Variants in TMEM131 observed in about 807,000 individuals in gnomAD.
TMEM131 encodes the protein transmembrane protein 131, also known as 2610524E03Rik.
TMEM131 carries 66 observed loss-of-function variants against 211.6 expected under a neutral mutation model. That is an observed-to-expected ratio of 0.31 (90% CI 0.26 to 0.38). TMEM131 has a LOEUF of 0.38. TMEM131 is among the 10% of genes least tolerant of loss of function. TMEM131 has a pLI of 1.00. For synonymous variants in TMEM131, 844 were observed against 841.3 expected (o/e 1.00, Z -0.06); for missense variants, 2,036 against 2,299.3 (o/e 0.89, Z 2.34).
intron 7 of TMEM131, among the ~76,000 whole-genome samples, chr2:97,841,080 C>G (rs777529068): frequency 6.6e-6 from 1 of 152,148 alleles, no homozygotes; most frequent in Non-Finnish European, 1.5e-5. Flanking sequence ...AGTGTTGGTC[C>G]GAAAGAACTC....
At chr2:97,927,514 A>C (rs771594162) in intron 1 of TMEM131, 27 bp from the exon 2 acceptor site, 1 of 1,511,824 alleles carries the variant, frequency 6.6e-7, no homozygotes, top group Non-Finnish European at 8.8e-7. Context: ...ACATACCATC[A>C]CTTACAGGAA....
intron 1 of TMEM131, among the ~76,000 whole-genome samples, chr2:97,977,100 T>G (rs1043777046): frequency 6.6e-6 from 1 of 152,162 alleles, no homozygotes; most frequent in Admixed American, 6.5e-5. Context: ...CTTTGTGACC[T>G]TGCATTAGGC....
At chr2:97,845,339 T>C (rs10208070) in intron 5 of TMEM131, among the ~76,000 whole-genome samples, 56,839 of 151,796 alleles carry the variant, frequency 0.37, 11,816 homozygotes, top group African/African-American at 0.52. Context: ...TTGCTAGAGG[T>C]TGACTGTGTG....
At chr2:97,970,580 C>T (rs961666638) in intron 1 of TMEM131, among the ~76,000 whole-genome samples, 5 of 152,166 alleles carry the variant, frequency 3.3e-5, no homozygotes, top group Non-Finnish European at 7.3e-5. Flanking sequence ...GAAGAAAAGC[C>T]ATCCATTTGC....
intron 1 of TMEM131, among the ~76,000 whole-genome samples, chr2:97,962,513 C>CT (rs2104572138): frequency 6.6e-6 from 1 of 152,074 alleles, no homozygotes; most frequent in South Asian, 2.1e-4. Context: ...CAAAAAAAAA[C>CT]TATAATGAAA....
At chr2:97,942,082 C>A (rs1677757855) in intron 1 of TMEM131, among the ~76,000 whole-genome samples, 1 of 152,050 alleles carries the variant, frequency 6.6e-6, no homozygotes, top group African/African-American at 2.4e-5. Context: ...ACCCAAATGT[C>A]CATCAGTGAT....
chr2:97,893,734 G>GTT (rs534822274), intron 3 of TMEM131, among the ~76,000 whole-genome samples: 2 of 150,990 alleles, frequency 1.3e-5, no homozygotes, highest in Non-Finnish European at 3.0e-5. Flanking sequence ...CTTTTTGATG[G>GTT]TTTTTTTTTC....
chr2:97,766,138 C>T lies in TMEM131; in HGVS notation c.4699G>A (p.Val1567Ile), dbSNP rs775517653. Residue 1567 changes from valine (V) to isoleucine (I), a missense_variant, in exon 35 of 41, where the codon GTT (valine) becomes ATT (isoleucine). Transcript: ENST00000186436. Reference sequence around the variant, plus strand: ...CAGCTGCCAGGTTTGTGAACTGGAACGGAATCCCACTCCGGTGGAGGAGAG... The same window carrying T: ...CAGCTGCCAGGTTTGTGAACTGGAATGGAATCCCACTCCGGTGGAGGAGAG... Reference protein sequence around the residue: ...KDSPPPEWDSVPVHKPGSSTD... With the variant: ...KDSPPPEWDSIPVHKPGSSTD... The T allele has an allele frequency of 9.9e-6, 16 of 1,613,912 alleles. No individual in the cohort carries two copies. Among genetic ancestry groups the T allele is most frequent in the Middle Eastern group, 1.6e-4 (1 of 6,084 alleles).
chr2:97,836,883 C>G (rs181210192), intron 8 of TMEM131, among the ~76,000 whole-genome samples, 194 bp downstream of exon 8: 72 of 152,272 alleles, frequency 4.7e-4, no homozygotes, highest in Middle Eastern at 3.4e-3. Flanking sequence ...ACTCACTGCC[C>G]TTTCCAAAAA....
chr2:97,919,414 A>G (rs1489819081), intron 2 of TMEM131, among the ~76,000 whole-genome samples: 1 of 152,088 alleles, frequency 6.6e-6, no homozygotes, highest in East Asian at 1.9e-4. Context: ...TTCATTGGGT[A>G]TAGAATTCTA....
chr2:97,762,120 G>A lies in TMEM131; in HGVS notation c.4804C>T (p.Pro1602Ser). 6.2e-7 allele frequency: 1 copy of A among 1,613,606 alleles called. No individual in the cohort carries two copies. The highest frequency in any genetic ancestry group is 1.3e-5 in the African/African-American group (1 of 75,008). Residue 1602 changes from proline to serine, a missense_variant, in exon 36 of 41, where the codon CCT (proline) becomes TCT (serine). By Grantham distance (74) the Pro-to-Ser change is moderately conservative. Around this residue, in one of 3 missense-constraint regions of TMEM131, gnomAD observed 1,623 missense variants for 1,805.9 expected, o/e 0.90. Transcript: ENST00000186436. ...GCAGCTGGGGGAGACGGGGAAGCAG[G>A]TGTCGGTGAGGTCTGGCGTTGTTTT... ...FLKQRQTSPT[P>S]ASPSPPAAPC...
intron 15 of TMEM131, 91 bp downstream of exon 15, chr2:97,813,880 C>T: frequency 9.5e-7 from 1 of 1,055,758 alleles, no homozygotes; most frequent in Admixed American, 3.2e-5. Flanking sequence ...CAAATAATGG[C>T]AAACCGTATG....
intron 11 of TMEM131, among the ~76,000 whole-genome samples, chr2:97,832,675 T>C (rs566251611): frequency 7.9e-5 from 12 of 152,238 alleles, no homozygotes; most frequent in Non-Finnish European, 1.8e-4. Context: ...ATAATAAAAA[T>C]GTCCTATTTT....
chr2:97,858,507 A>G (rs890607750), intron 5 of TMEM131, among the ~76,000 whole-genome samples: 3 of 152,300 alleles, frequency 2.0e-5, no homozygotes, highest in Admixed American at 2.0e-4. Flanking sequence ...CTAATCTCTG[A>G]GGCTGTGACT....
intron 4 of TMEM131, among the ~76,000 whole-genome samples, chr2:97,860,641 T>C (rs549813603): frequency 1.4e-4 from 22 of 152,158 alleles, no homozygotes; most frequent in Non-Finnish European, 2.4e-4. Context: ...CTTGGGAAAG[T>C]TGATAAACAG....
chr2:97,967,612 G>A (rs899729488), intron 1 of TMEM131, among the ~76,000 whole-genome samples: 5 of 152,042 alleles, frequency 3.3e-5, no homozygotes, highest in African/African-American at 7.2e-5. Context: ...TAATTCGAAC[G>A]GTGCAATGGA....
intron 36 of TMEM131, chr2:97,761,252 C>A: frequency 4.8e-6 from 1 of 207,622 alleles, no homozygotes; most frequent in East Asian, 1.2e-4. Flanking sequence ...CCACCGACAC[C>A]GGAAAGGGCG....
intron 1 of TMEM131, among the ~76,000 whole-genome samples, chr2:97,960,163 A>T (rs1201190935): frequency 7.1e-6 from 1 of 140,628 alleles, no homozygotes; most frequent in Non-Finnish European, 1.6e-5. Context: ...GATAATTCAT[A>T]AAAAGAATTT....
At chr2:97,978,851 A>G (rs576816067) in intron 1 of TMEM131, among the ~76,000 whole-genome samples, 143 of 152,246 alleles carry the variant, frequency 9.4e-4, no homozygotes, top group Non-Finnish European at 1.7e-3. Flanking sequence ...AGAATGGCAA[A>G]TCCTTTCCAG....
Sources: allele counts gnomAD v4.1 joint callset (sites outside exome capture counted in the v4.1 genomes callset), GRCh38; gene constraint gnomAD v4.1.1; regional missense constraint gnomAD v4.1.1; transcripts MANE v1.5; gene names NCBI Gene and HGNC (gene_info 2026-07-23, HGNC 2026-07-21).